NDUFA5: variants seen among roughly 807,000 people sequenced by gnomAD.
The protein encoded by NDUFA5 is NADH dehydrogenase [ubiquinone] 1 alpha subcomplex subunit 5.
A neutral mutation model predicts 19.8 loss-of-function variants in NDUFA5; 11 were observed. The ratio of observed to expected loss-of-function variants is 0.56; its 90% confidence interval spans 0.35 to 0.92. NDUFA5 has a LOEUF of 0.92. Among genes scored for constraint, NDUFA5 ranks in the 40% least tolerant of loss-of-function variants. The probability of loss-of-function intolerance (pLI) is 0.01; values close to 1 mark genes in which losing one functional copy is unlikely to be tolerated. For synonymous variants in NDUFA5, 47 were observed against 46.8 expected (o/e 1.00, Z -0.01); for missense variants, 109 against 134.2 (o/e 0.81, Z 0.93).
intron 4 of NDUFA5, among the ~76,000 whole-genome samples, chr7:123,543,263 C>A (rs1482335925): frequency 1.3e-5 from 2 of 152,144 alleles, no homozygotes; most frequent in Non-Finnish European, 2.9e-5. Context: ...TCAATCTCCC[C>A]CAGCCATTAT....
At chr7:123,566,017 TAAAAAAAAAA>T in the NDUFA5 span, among the ~76,000 whole-genome samples, 1 of 129,588 alleles carries the variant, frequency 7.7e-6, no homozygotes, top group African/African-American at 2.9e-5. Flanking sequence ...AGACTCCGTC[TAAAAAAAAAA>T]AAAAGAAAAA....
In NDUFA5 at chr7:123,546,805, G is replaced by A. The variant is rs114796885; in HGVS notation, c.184-1129C>T. On this transcript the variant is annotated intron_variant, in intron 3 of 4. Coordinates refer to ENST00000355749, the MANE Select transcript of NDUFA5 (RefSeq NM_005000.5). Reference sequence around the variant, plus strand: ...CTTATTGATTAACTACTGATAATTTGCATTATGATAGGCTGAAAAATACCA... The same window carrying A: ...CTTATTGATTAACTACTGATAATTTACATTATGATAGGCTGAAAAATACCA... The A allele has an allele frequency of 4.4e-3, 3,210 of 733,870 alleles. 74 individuals carry two copies. In the African/African-American group the frequency reaches 0.052, roughly 12 times the overall value. 45.5% of individuals were successfully genotyped at this position (733,870 alleles called of 1,614,324 possible).
chr7:123,562,820 A>T (rs1798705819), upstream of NDUFA5, among the ~76,000 whole-genome samples: 1 of 137,002 alleles, frequency 7.3e-6, no homozygotes, highest in African/African-American at 2.8e-5. Context: ...TTTTTGAGTC[A>T]GAGTTTTCTC....
At chr7:123,552,120 A>G (rs1261385383) in intron 2 of NDUFA5, among the ~76,000 whole-genome samples, 1 of 152,136 alleles carries the variant, frequency 6.6e-6, no homozygotes, top group Admixed American at 6.5e-5. Context: ...TCCAGGAGTA[A>G]GTCTCAATAA....
At position 123,540,890 on chromosome 7, in the gene NDUFA5, G is replaced by GCGCGCACACACACACACACACACACA. The variant is rs766305834; in HGVS notation, c.*1228_*1229insTGTGTGTGTGTGTGTGTGTGTGCGCG. 7 of 133,830 alleles carry GCGCGCACACACACACACACACACACA rather than the reference G, an allele frequency of 5.2e-5. No individual in the cohort carries two copies. Among genetic ancestry groups the GCGCGCACACACACACACACACACACA allele is most frequent in the African/African-American group, 2.1e-4 (7 of 33,802 alleles). The allele number at this position is 133,830 out of a possible 1,614,324, so 8.3% of individuals were successfully genotyped here. A position where few individuals can be genotyped will look rare whatever the true frequency, so the allele number is the denominator to read the frequency against. ...TCTGAGCAAATGTGCGCATGCGCGT[G>GCGCGCACACACACACACACACACACA]CACACACACACACACACACACACAC... On this transcript the variant is annotated 3_prime_UTR_variant, in exon 5 of 5. Transcript: ENST00000355749.
At chr7:123,598,855 T>C in the NDUFA5 span, 1 of 152,212 alleles carries the variant, frequency 6.6e-6, no homozygotes, top group Non-Finnish European at 1.5e-5. Context: ...CAACGTGGAT[T>C]CTTCCAGGGG....
chr7:123,552,278 C>T (rs914482385), intron 2 of NDUFA5, among the ~76,000 whole-genome samples: 8 of 151,720 alleles, frequency 5.3e-5, no homozygotes, highest in Admixed American at 5.2e-4. Context: ...AAATATGACA[C>T]ATATACAACA....
upstream of NDUFA5, among the ~76,000 whole-genome samples, chr7:123,560,695 G>A (rs1302855617): frequency 6.6e-6 from 1 of 152,162 alleles, no homozygotes; most frequent in African/African-American, 2.4e-5. Flanking sequence ...CTCTTTTCGT[G>A]TGTGCTTGGG....
At chr7:123,555,764 T>C (rs1798514545) in intron 2 of NDUFA5, 2 of 152,176 alleles carry the variant, frequency 1.3e-5, no homozygotes, top group Non-Finnish European at 2.9e-5. Flanking sequence ...TACATTCTAG[T>C]AGAGACATAA....
At chr7:123,557,752 A>C (rs1339093594) in intron 1 of NDUFA5, 23 bp downstream of exon 1, 4 of 1,613,732 alleles carry the variant, frequency 2.5e-6, no homozygotes, top group Non-Finnish European at 3.4e-6. Flanking sequence ...CTAAATTCCA[A>C]CAGTGACCTC....
rs1451373066 is a variant in NDUFA5, at chr7:123,538,920, T to A, written c.*3199A>T. 6.6e-6 allele frequency: 1 copy of A among 152,220 alleles called. No individual in the cohort carries two copies. Among genetic ancestry groups the A allele is most frequent in the Non-Finnish European group, 1.5e-5 (1 of 68,038 alleles). The allele number at this position is 152,220 out of a possible 1,614,324, so 9.4% of individuals were successfully genotyped here. ...TCATCTCCCTTTTAAAAAAGATACA[T>A]TCATAAACATTGTTATTGGCTTAAT... On this transcript the variant is annotated 3_prime_UTR_variant, in exon 5 of 5. Transcript: ENST00000355749.
upstream of NDUFA5, chr7:123,557,920 C>A: frequency 6.6e-7 from 1 of 1,520,436 alleles, no homozygotes. Context: ...TCAGGATCGC[C>A]AAAGGAGCAA....
intron 2 of NDUFA5, chr7:123,556,663 A>G: frequency 2.7e-6 from 1 of 366,044 alleles, no homozygotes; most frequent in South Asian, 2.3e-5. Context: ...TAAGCTGACC[A>G]TTGGATTTGG....
At chr7:123,564,035 A>T in the NDUFA5 span, among the ~76,000 whole-genome samples, 1 of 152,260 alleles carries the variant, frequency 6.6e-6, no homozygotes, top group East Asian at 1.9e-4. Context: ...CAAGAGACAC[A>T]ACTTAAATTG....
chr7:123,548,576 G>A (rs1417681087), intron 3 of NDUFA5, among the ~76,000 whole-genome samples: 1 of 152,188 alleles, frequency 6.6e-6, no homozygotes, highest in African/African-American at 2.4e-5. Context: ...AAAATGCAAG[G>A]AATCCACAGA....
the NDUFA5 span, among the ~76,000 whole-genome samples, chr7:123,595,941 G>A: frequency 2.6e-5 from 4 of 152,090 alleles, no homozygotes; most frequent in Non-Finnish European, 4.4e-5. Context: ...TTATATTAAT[G>A]TATACATAAA....
chr7:123,565,396 T>TACACACACACAC, the NDUFA5 span, among the ~76,000 whole-genome samples: 1 of 148,250 alleles, frequency 6.7e-6, no homozygotes, highest in African/African-American at 2.5e-5. Context: ...TAGCTTATAA[T>TACACACACACAC]ACACACACAC....
the NDUFA5 span, among the ~76,000 whole-genome samples, chr7:123,568,489 C>G: frequency 6.6e-6 from 1 of 150,958 alleles, no homozygotes; most frequent in Non-Finnish European, 1.5e-5. Flanking sequence ...CCATTGCACT[C>G]CAGCCTGAAC....
the NDUFA5 span, among the ~76,000 whole-genome samples, chr7:123,584,324 A>T: frequency 2.0e-5 from 3 of 151,670 alleles, no homozygotes; most frequent in Admixed American, 2.0e-4. Context: ...AAAAAAAAAA[A>T]AAAAAGTAAG....
Sources: allele counts gnomAD v4.1 joint callset (sites outside exome capture counted in the v4.1 genomes callset), GRCh38; gene constraint gnomAD v4.1.1; transcripts MANE v1.5; gene names NCBI Gene and HGNC (gene_info 2026-07-23, HGNC 2026-07-21).